The following NKAIN3 variants were observed in gnomAD, a reference collection of about 807,000 sequenced individuals.
NKAIN3 encodes the protein sodium/potassium-transporting ATPase subunit beta-1-interacting protein 3.
In NKAIN3, 25 loss-of-function variants were observed where a neutral mutation model predicts 30.2. The ratio of observed to expected loss-of-function variants is 0.83; its 90% CI spans 0.60 to 1.16. NKAIN3 has a LOEUF of 1.16. Among genes scored for constraint, NKAIN3 ranks in the 50% most tolerant of loss-of-function variants. NKAIN3 has a pLI of 0.00. For missense variants in NKAIN3, 225 were observed against 254.1 expected, an observed-to-expected ratio of 0.89 and a Z score of 0.78; for synonymous variants, 91 against 89.6, an observed-to-expected ratio of 1.02 and a Z score of -0.09.
At chr8:62,560,439 T>G (rs1809529749) in intron 1 of NKAIN3, among the ~76,000 whole-genome samples, 1 of 151,946 alleles carries the variant, frequency 6.6e-6, no homozygotes, top group African/African-American at 2.4e-5. Context: ...CTTTCAGTCT[T>G]TGTTCATTTT....
At chr8:62,304,251 A>T (rs1253185834) in intron 1 of NKAIN3, among the ~76,000 whole-genome samples, 1 of 150,416 alleles carries the variant, frequency 6.6e-6, no homozygotes, top group Non-Finnish European at 1.5e-5. Context: ...TCTCAGCCCC[A>T]ATCTAAGCAC....
rs1389804639 is a variant in NKAIN3, at chr8:62,257,189, C to T, written c.54+8062C>T. 2.0e-5 allele frequency among the ~76,000 whole-genome samples: 3 copies of T among 152,102 alleles called. No homozygotes were observed. In the East Asian group the frequency reaches 5.8e-4, roughly 29 times the overall value. On this transcript the variant is annotated intron_variant, in intron 1 of 6. Coordinates refer to ENST00000623646, the MANE Select transcript of NKAIN3 (RefSeq NM_001304533.3). ...ACTATGCTGTGTAATAGATCTCAAACTAGAGTCCTTATGTTTGTAACCCTG... is the reference window on the plus strand; with the variant it reads ...ACTATGCTGTGTAATAGATCTCAAATTAGAGTCCTTATGTTTGTAACCCTG...
intron 1 of NKAIN3, among the ~76,000 whole-genome samples, chr8:62,394,992 G>GA (rs1459338725): frequency 1.4e-5 from 2 of 146,394 alleles, no homozygotes; most frequent in Admixed American, 6.8e-5. Context: ...TCGGCGGCCG[G>GA]ACAGAGGCGC....
Position 62,579,498 on chromosome 8 carries a change from G to C in NKAIN3, c.55-41G>C, listed in dbSNP as rs181467455. ...ATAAAGATTAAAATAGTATGATGAT[G>C]CTTGGATTCAATGCTAATGAACTTT... is the stretch of plus-strand genomic sequence containing the variant. On this transcript the variant is annotated intron_variant, in intron 1 of 6. Transcript: ENST00000623646. The C allele has an allele frequency of 5.1e-4, 778 of 1,523,740 alleles. 5 individuals carry two copies. The African/African-American group carries it at 8.8e-3, about 17-fold the overall frequency. 94.4% of individuals were successfully genotyped at this position (1,523,740 alleles called of 1,614,324 possible).
At chr8:62,650,656 A>G (rs757696034) in intron 3 of NKAIN3, among the ~76,000 whole-genome samples, 9 of 152,182 alleles carry the variant, frequency 5.9e-5, no homozygotes, top group African/African-American at 9.6e-5. Flanking sequence ...CAGCATGTAG[A>G]TATTGAGTCC....
At chr8:62,684,932 C>T (rs1813750842) in intron 3 of NKAIN3, among the ~76,000 whole-genome samples, 1 of 152,108 alleles carries the variant, frequency 6.6e-6, no homozygotes, top group African/African-American at 2.4e-5. Flanking sequence ...GACTTCTAGC[C>T]TCCAAAATAG....
chr8:62,504,740 T>G (rs1807577142), intron 1 of NKAIN3, among the ~76,000 whole-genome samples: 1 of 152,182 alleles, frequency 6.6e-6, no homozygotes, highest in South Asian at 2.1e-4. Context: ...AGCTCTGTGT[T>G]GCCTATAGCA....
intron 1 of NKAIN3, among the ~76,000 whole-genome samples, chr8:62,511,579 G>C (rs992648464): frequency 1.3e-5 from 2 of 152,128 alleles, no homozygotes; most frequent in African/African-American, 2.4e-5. Context: ...TCAGGAGAAA[G>C]ACAAAGGCCC....
intron 5 of NKAIN3, among the ~76,000 whole-genome samples, chr8:62,950,037 A>C (rs981063164): frequency 9.9e-5 from 15 of 152,116 alleles, no homozygotes; most frequent in African/African-American, 3.1e-4. Context: ...CTCTTCTCTT[A>C]TCTTTCTCAA....
chr8:62,552,281 T>C (rs1207020012), intron 1 of NKAIN3, among the ~76,000 whole-genome samples: 1 of 152,198 alleles, frequency 6.6e-6, no homozygotes, highest in African/African-American at 2.4e-5. Context: ...TTCCAGATCG[T>C]CACTGAAAAA....
chr8:62,346,856 G>C (rs564373306), intron 1 of NKAIN3, among the ~76,000 whole-genome samples: 1 of 152,070 alleles, frequency 6.6e-6, no homozygotes, highest in Non-Finnish European at 1.5e-5. Context: ...ACTTGGAATG[G>C]GTACATTAAC....
In NKAIN3 at chr8:62,598,850, T is replaced by C. The variant is rs1408005734; in HGVS notation, c.273+9056T>C. Among the ~76,000 whole-genome samples, 3 of 152,042 alleles carry C rather than the reference T, an allele frequency of 2.0e-5. No individual in the cohort carries two copies. In the East Asian group the frequency reaches 5.8e-4, roughly 29 times the overall value. ...TCTTGTCAGAAAGGCACAGCTGAGA[T>C]GCAAACAGGATCCAGCTGTTGTCCA... is the stretch of plus-strand genomic sequence containing the variant. On this transcript the variant is annotated intron_variant, in intron 3 of 6. Transcript: ENST00000623646.
At chr8:62,429,012 T>G (rs1285790028) in intron 1 of NKAIN3, among the ~76,000 whole-genome samples, 20 of 151,944 alleles carry the variant, frequency 1.3e-4, no homozygotes, top group Admixed American at 1.3e-3. Context: ...TGTAATATGG[T>G]GAGACATAGG....
intron 1 of NKAIN3, among the ~76,000 whole-genome samples, chr8:62,407,697 C>T (rs2129595673): frequency 6.6e-6 from 1 of 152,310 alleles, no homozygotes; most frequent in African/African-American, 2.4e-5. Flanking sequence ...TCCCAAAGTG[C>T]TGGGATTACA....
chr8:62,666,956 G>T (rs958937375), intron 3 of NKAIN3, among the ~76,000 whole-genome samples: 4 of 152,046 alleles, frequency 2.6e-5, no homozygotes, highest in African/African-American at 9.7e-5. Context: ...CCCAAAAGAG[G>T]ATCCTGTAGG....
intron 1 of NKAIN3, among the ~76,000 whole-genome samples, chr8:62,479,082 G>A: frequency 6.6e-6 from 1 of 152,080 alleles, no homozygotes; most frequent in Non-Finnish European, 1.5e-5. Context: ...GCAGGTGCTA[G>A]CCTCATGAGG....
chr8:62,557,476 T>C (rs143936007), intron 1 of NKAIN3, among the ~76,000 whole-genome samples: 14 of 152,212 alleles, frequency 9.2e-5, no homozygotes, highest in African/African-American at 3.4e-4. Flanking sequence ...TAAAAAAAAA[T>C]GTTCACACTG....
chr8:62,814,223 A>G (rs2130719361), intron 4 of NKAIN3, among the ~76,000 whole-genome samples: 1 of 151,978 alleles, frequency 6.6e-6, no homozygotes, highest in Admixed American at 6.6e-5. Flanking sequence ...ATCTTGCTAT[A>G]TGGGTTTTTA....
intron 3 of NKAIN3, among the ~76,000 whole-genome samples, chr8:62,614,773 C>A (rs1016224338): frequency 6.6e-6 from 1 of 151,968 alleles, no homozygotes; most frequent in African/African-American, 2.4e-5. Context: ...GGCTTCATGT[C>A]GTAGCCACTG....
Sources: allele counts gnomAD v4.1 joint callset (sites outside exome capture counted in the v4.1 genomes callset), GRCh38; gene constraint gnomAD v4.1.1; transcripts MANE v1.5; gene names NCBI Gene and HGNC (gene_info 2026-07-23, HGNC 2026-07-21).